Variants in MIPEP observed in about 807,000 individuals in gnomAD.
The protein encoded by MIPEP is mitochondrial intermediate peptidase.
MIPEP carries 79 observed loss-of-function variants against 90.3 expected under a neutral mutation model. The observed-to-expected ratio is 0.87, with a 90% CI of 0.73 to 1.05. The LOEUF (loss-of-function observed/expected upper bound fraction) is 1.05, where lower values mean the gene tolerates loss of function less well. MIPEP is among the 50% of genes least tolerant of loss of function. MIPEP has a pLI of 0.00. For missense variants in MIPEP, 940 were observed against 905.6 expected, an observed-to-expected ratio of 1.04 and a Z score of -0.49; for synonymous variants, 334 against 315.8, an observed-to-expected ratio of 1.06 and a Z score of -0.61.
Position 23,885,240 on chromosome 13 carries a change from T to C in MIPEP, c.363+1093A>G, listed in dbSNP as rs1343504906. ...CTCACTCACTTGTGGGACCTAAAAA[T>C]AGATACAACTGAATCATGGAAATAA... On this transcript the variant is annotated intron_variant, in intron 2 of 18. Transcript: ENST00000382172. Among the ~76,000 whole-genome samples the C allele has an allele frequency of 3.3e-5, 5 of 152,150 alleles. No individual in the cohort carries two copies. In the East Asian group the frequency reaches 9.6e-4, roughly 29 times the overall value.
Position 23,774,873 on chromosome 13 carries a change from C to T in MIPEP, c.1849-14656G>A, listed in dbSNP as rs569504595. 7.8e-4 allele frequency among the ~76,000 whole-genome samples: 115 copies of T among 147,298 alleles called. 3 individuals are homozygous for T. The South Asian group carries it at 0.02, about 26-fold the overall frequency. ...GCAATGGGATGAGCTCGGCTCACTG[C>T]GGCCTCTGCCTCCCAGGTTCAAGCA... On this transcript the variant is annotated intron_variant, in intron 16 of 18. Transcript: ENST00000382172.
chr13:23,747,532 G>A (rs1364908685), intron 18 of MIPEP: 2 of 511,640 alleles, frequency 3.9e-6, no homozygotes, highest in African/African-American at 1.9e-5. Flanking sequence ...TGACAGGAAG[G>A]AGGAAGGGCA....
At chr13:23,836,733 CCTTT>C (rs1289775685) in intron 13 of MIPEP, among the ~76,000 whole-genome samples, 1 of 152,168 alleles carries the variant, frequency 6.6e-6, no homozygotes, top group Admixed American at 6.5e-5. Flanking sequence ...TTTTATCCTT[CCTTT>C]GTTTTACAAG....
intron 16 of MIPEP, among the ~76,000 whole-genome samples, chr13:23,803,364 AAACAACAACAAC>A: frequency 6.6e-6 from 1 of 152,078 alleles, no homozygotes; most frequent in South Asian, 2.1e-4. Context: ...CTCCATCTCA[AAACAACAACAAC>A]AACAACAACA....
Position 23,731,552 on chromosome 13 carries a change from C to T in MIPEP, c.2045-1107G>A, listed in dbSNP as rs572578059. ...ACTAAAATTATTATCTTAAAAAAAC[C>T]GCATGAAGTATCTTTGTGACCCTGA... is the stretch of plus-strand genomic sequence containing the variant. On this transcript the variant is annotated intron_variant, in intron 18 of 18. Transcript: ENST00000382172. 8.2e-4 allele frequency among the ~76,000 whole-genome samples: 125 copies of T among 152,098 alleles called. 3 individuals are homozygous for T. The South Asian group carries it at 0.024, about 29-fold the overall frequency.
chr13:23,825,784 T>A (rs899373662), intron 14 of MIPEP, among the ~76,000 whole-genome samples: 1 of 152,188 alleles, frequency 6.6e-6, no homozygotes, highest in Non-Finnish European at 1.5e-5. Flanking sequence ...GGGTAAGGAA[T>A]CACAGTAACT....
At chr13:23,809,520 T>C (rs1338096896) in intron 15 of MIPEP, among the ~76,000 whole-genome samples, 1 of 152,068 alleles carries the variant, frequency 6.6e-6, no homozygotes, top group African/African-American at 2.4e-5. Context: ...AATTTTTGTA[T>C]TTTTAGTAGA....
intron 17 of MIPEP, among the ~76,000 whole-genome samples, chr13:23,758,347 C>T (rs559030512): frequency 6.4e-4 from 98 of 152,294 alleles, no homozygotes; most frequent in Non-Finnish European, 1.1e-3. Context: ...GAGACTTTGA[C>T]AGAGGTTAGA....
At chr13:23,731,434 C>T (rs1407493785) in intron 18 of MIPEP, among the ~76,000 whole-genome samples, 1 of 152,170 alleles carries the variant, frequency 6.6e-6, no homozygotes, top group Admixed American at 6.5e-5. Flanking sequence ...CTGGGCAGAA[C>T]TGCATATCCA....
intron 16 of MIPEP, chr13:23,760,472 C>A (rs1257641540): frequency 4.5e-6 from 3 of 665,186 alleles, no homozygotes; most frequent in Non-Finnish European, 5.8e-6. Flanking sequence ...GGAGACACAG[C>A]CTCCAAAGAC....
chr13:23,809,444 A>G (rs1953147939), intron 15 of MIPEP, among the ~76,000 whole-genome samples: 1 of 151,770 alleles, frequency 6.6e-6, no homozygotes, highest in Non-Finnish European at 1.5e-5. Flanking sequence ...TCCCAGGTTC[A>G]AGCGATTCTC....
In MIPEP at chr13:23,886,404, T is replaced by C. The variant is rs1241047025; in HGVS notation, c.292A>G (p.Thr98Ala). The change falls in exon 2 of 19, where the codon ACC becomes GCC. Residue 98 changes from threonine to alanine, a missense_variant. By Grantham distance (58) the Thr-to-Ala change is moderately conservative. Coordinates refer to ENST00000382172, the MANE Select transcript of MIPEP (RefSeq NM_005932.4). ...AGCACGGTCTGGGGCCCAGGTGGGG[T>C]GGAACATGCACGGTCCACAAGCAAT... is the stretch of plus-strand genomic sequence containing the variant. ...TELLVDRACS[T>A]PPGPQTVLIF... The C allele has an allele frequency of 6.2e-7, 1 of 1,607,538 alleles. No individual in the cohort carries two copies. Among genetic ancestry groups the C allele is most frequent in the Non-Finnish European group, 8.5e-7 (1 of 1,176,706 alleles).
At position 23,733,685 on chromosome 13, in the gene MIPEP, T is replaced by C. The variant is rs17079266; in HGVS notation, c.2045-3240A>G. 5.0e-3 allele frequency among the ~76,000 whole-genome samples: 767 copies of C among 152,322 alleles called. 41 individuals carry two copies. In the East Asian group the frequency reaches 0.11, roughly 22 times the overall value. ...GAAAATACTTGGTCCAAACACATACTTGAAAGCCCTTAACTAGACCAGGGG... is the reference window on the plus strand; with the variant it reads ...GAAAATACTTGGTCCAAACACATACCTGAAAGCCCTTAACTAGACCAGGGG... On this transcript the variant is annotated intron_variant, in intron 18 of 18. Transcript: ENST00000382172.
At chr13:23,812,430 T>C (rs146388773) in intron 14 of MIPEP, among the ~76,000 whole-genome samples, 9 of 152,048 alleles carry the variant, frequency 5.9e-5, no homozygotes, top group East Asian at 1.9e-4. Context: ...GAGGTCCCCA[T>C]TGGAGAAGCC....
chr13:23,803,630 G>A (rs1463690453), intron 16 of MIPEP, among the ~76,000 whole-genome samples: 3 of 152,054 alleles, frequency 2.0e-5, no homozygotes, highest in African/African-American at 2.4e-5. Flanking sequence ...TGAGTCTGCC[G>A]TTGGGCTCTT....
chr13:23,763,666 GA>G (rs1389355162), intron 16 of MIPEP, among the ~76,000 whole-genome samples: 2 of 152,276 alleles, frequency 1.3e-5, no homozygotes, highest in Non-Finnish European at 2.9e-5. Flanking sequence ...CAGAATGGTA[GA>G]AAGAGACATC....
Position 23,841,495 on chromosome 13 carries a change from G to A in MIPEP, c.1107-7C>T. The A allele has an allele frequency of 1.3e-6, 2 of 1,593,106 alleles. No individual in the cohort carries two copies. The highest frequency in any genetic ancestry group is 1.7e-6 in the Non-Finnish European group (2 of 1,174,026). ...GCTGGGCTCAATATTATACCTAAGA[G>A]AAGGAAGAGAGGTTCAACAGCATCT... On this transcript the variant is annotated splice_region_variant and splice_polypyrimidine_tract_variant and intron_variant, in intron 10 of 18. Coordinates refer to ENST00000382172, the MANE Select transcript of MIPEP (RefSeq NM_005932.4).
chr13:23,783,785 C>T (rs2137365404), intron 16 of MIPEP, among the ~76,000 whole-genome samples: 1 of 152,242 alleles, frequency 6.6e-6, no homozygotes, highest in Admixed American at 6.5e-5. Flanking sequence ...GCAAAAATCA[C>T]AAGCATTCTT....
chr13:23,732,915 G>C (rs1379865935), intron 18 of MIPEP, among the ~76,000 whole-genome samples: 2 of 152,180 alleles, frequency 1.3e-5, no homozygotes, highest in Non-Finnish European at 1.5e-5. Context: ...TGTATGAAAA[G>C]TTTACCTAAA....
Sources: allele counts gnomAD v4.1 joint callset (sites outside exome capture counted in the v4.1 genomes callset), GRCh38; gene constraint gnomAD v4.1.1; transcripts MANE v1.5; gene names NCBI Gene and HGNC (gene_info 2026-07-23, HGNC 2026-07-21).